Variants in ANKS1B observed in about 807,000 individuals in gnomAD.
ANKS1B encodes ankyrin repeat and sterile alpha motif domain containing 1B, also known as ankyrin repeat and sterile alpha motif domain-containing protein 1B.
A neutral mutation model predicts 148.3 loss-of-function variants in ANKS1B; 36 were observed. The observed-to-expected ratio is 0.24, with a 90% CI of 0.19 to 0.32. The LOEUF (loss-of-function observed/expected upper bound fraction) is 0.32, where lower values mean the gene tolerates loss of function less well. Ranked by LOEUF, ANKS1B falls within the 10% of genes least tolerant of loss-of-function variation. ANKS1B has a pLI of 1.00. For synonymous variants in ANKS1B, 542 were observed against 560.8 expected (o/e 0.97, Z 0.47); for missense variants, 1,157 against 1,542.6 (o/e 0.75, Z 4.19).
chr12:98,806,541 T>C (rs1047848951), intron 20 of ANKS1B, among the ~76,000 whole-genome samples: 4 of 152,316 alleles, frequency 2.6e-5, no homozygotes, highest in Admixed American at 2.6e-4. Context: ...TACCCAAACA[T>C]ACATAAGATA....
At position 98,783,999 on chromosome 12, in the gene ANKS1B, G is replaced by A. The variant is rs76322018; in HGVS notation, c.3343-1862C>T. Among the ~76,000 whole-genome samples, 1,309 of 152,302 alleles carry A rather than the reference G, an allele frequency of 8.6e-3. 15 individuals carry two copies. The highest frequency in any genetic ancestry group is 0.03 in the African/African-American group (1,257 of 41,560). On this transcript the variant is annotated intron_variant, in intron 22 of 26. Coordinates refer to ENST00000683438, the MANE Select transcript of ANKS1B (RefSeq NM_001352186.2). ...GAACAGGAGGAGGCACCACAATGTC[G>A]ATGAGGAAGAACTGAGAGGTTCTGT... is the stretch of plus-strand genomic sequence containing the variant.
intron 9 of ANKS1B, among the ~76,000 whole-genome samples, chr12:99,592,589 GAGA>G (rs2097713878): frequency 6.6e-6 from 1 of 152,008 alleles, no homozygotes; most frequent in South Asian, 2.1e-4. Flanking sequence ...AAAAGACATG[GAGA>G]AGGACTGAAG....
chr12:99,531,916 GCTCA>G (rs1414047859), intron 9 of ANKS1B, among the ~76,000 whole-genome samples: 2 of 152,058 alleles, frequency 1.3e-5, no homozygotes, highest in Non-Finnish European at 2.9e-5. Flanking sequence ...TGATCTTGTA[GCTCA>G]CTGTGGTTTT....
At position 99,912,064 on chromosome 12, in the gene ANKS1B, A is replaced by G. The variant is rs190170623; in HGVS notation, c.134+72040T>C. 1.5e-3 allele frequency among the ~76,000 whole-genome samples: 221 copies of G among 152,352 alleles called. 1 individual carries two copies. Among genetic ancestry groups the G allele is most frequent in the African/African-American group, 5.2e-3 (215 of 41,590 alleles). ...AGTGATTCATGAATTAGGCAGCACC[A>G]GACTGCAAGTGATTTGGGCTCCACC... On this transcript the variant is annotated intron_variant, in intron 1 of 26. Coordinates refer to ENST00000683438, the MANE Select transcript of ANKS1B (RefSeq NM_001352186.2).
At position 99,782,154 on chromosome 12, in the gene ANKS1B, G is replaced by C. The variant is rs558735331; in HGVS notation, c.670-57C>G. The C allele has an allele frequency of 3.6e-6, 5 of 1,380,146 alleles. No individual in the cohort carries two copies. In the South Asian group the frequency reaches 6.5e-5, roughly 18 times the overall value. The allele number at this position is 1,380,146 out of a possible 1,614,324, so 85.5% of individuals were successfully genotyped here. ...ACGGTTGCATTTGGAATGCTTACAG[G>C]TTGAAATAAAATGCTCACATTTTAC... On this transcript the variant is annotated intron_variant, in intron 4 of 26. Coordinates refer to ENST00000683438, the MANE Select transcript of ANKS1B (RefSeq NM_001352186.2).
intron 10 of ANKS1B, among the ~76,000 whole-genome samples, chr12:99,474,529 C>T (rs2888467): frequency 6.6e-6 from 1 of 151,890 alleles, no homozygotes; most frequent in African/African-American, 2.4e-5. Context: ...TAAAAAAGTT[C>T]TATCCTGCTC....
At chr12:99,307,769 C>A (rs1274113692) in intron 12 of ANKS1B, among the ~76,000 whole-genome samples, 1 of 151,500 alleles carries the variant, frequency 6.6e-6, no homozygotes, top group Non-Finnish European at 1.5e-5. Context: ...CAAAAACCAG[C>A]AATTTCTAAT....
chr12:99,792,166 A>C (rs558003430), intron 4 of ANKS1B, among the ~76,000 whole-genome samples: 15 of 152,094 alleles, frequency 9.9e-5, no homozygotes, highest in African/African-American at 3.6e-4. Context: ...AAATTCCTAC[A>C]TACATACAAT....
chr12:99,154,659 C>A, intron 14 of ANKS1B: 1 of 1,439,406 alleles, frequency 6.9e-7, no homozygotes, highest in Non-Finnish European at 9.1e-7. Flanking sequence ...CCGACCAGTA[C>A]GTCATACAGC....
chr12:99,689,897 C>T (rs978152154), intron 8 of ANKS1B, among the ~76,000 whole-genome samples: 4 of 152,140 alleles, frequency 2.6e-5, no homozygotes, highest in African/African-American at 9.7e-5. Context: ...CCTTGTGAGA[C>T]CATGTACAGA....
At chr12:99,483,785 G>A (rs2096449159) in intron 10 of ANKS1B, among the ~76,000 whole-genome samples, 1 of 151,838 alleles carries the variant, frequency 6.6e-6, no homozygotes, top group Non-Finnish European at 1.5e-5. Context: ...GTTCATGTGT[G>A]TATAGGTGTT....
chr12:98,916,314 C>T (rs546166366), intron 17 of ANKS1B, among the ~76,000 whole-genome samples: 1 of 152,318 alleles, frequency 6.6e-6, no homozygotes, highest in South Asian at 2.1e-4. Context: ...TCCAAGAGAA[C>T]ATCACAATTA....
At chr12:98,851,845 G>A (rs2099528487) in intron 17 of ANKS1B, among the ~76,000 whole-genome samples, 1 of 151,534 alleles carries the variant, frequency 6.6e-6, no homozygotes, top group African/African-American at 2.4e-5. Context: ...CCAACCCAGT[G>A]AAACCCCATC....
At chr12:99,414,806 A>G (rs1359024256) in intron 11 of ANKS1B, among the ~76,000 whole-genome samples, 4 of 152,256 alleles carry the variant, frequency 2.6e-5, no homozygotes, top group South Asian at 2.1e-4. Flanking sequence ...CGTTCTGCAC[A>G]TGTATTCCAG....
chr12:98,792,013 A>G (rs1255644175), intron 22 of ANKS1B, among the ~76,000 whole-genome samples: 1 of 152,258 alleles, frequency 6.6e-6, no homozygotes, highest in African/African-American at 2.4e-5. Context: ...TAATACTTCA[A>G]CTAGGGCATG....
At chr12:98,965,373 C>T (rs1389443614) in intron 17 of ANKS1B, among the ~76,000 whole-genome samples, 1 of 152,178 alleles carries the variant, frequency 6.6e-6, no homozygotes, top group African/African-American at 2.4e-5. Flanking sequence ...TATAAAGCAT[C>T]CAATATCATG....
chr12:99,177,382 G>A (rs1201035107), intron 14 of ANKS1B, among the ~76,000 whole-genome samples: 1 of 152,164 alleles, frequency 6.6e-6, no homozygotes, highest in African/African-American at 2.4e-5. Flanking sequence ...AGGATGAGCA[G>A]AACAGTTGTT....
chr12:99,542,416 A>G (rs2097134825), intron 9 of ANKS1B, among the ~76,000 whole-genome samples: 1 of 152,186 alleles, frequency 6.6e-6, no homozygotes, highest in Non-Finnish European at 1.5e-5. Flanking sequence ...GAAGGCATAA[A>G]TAAGTGGTAA....
chr12:99,128,882 C>T (rs548781823), intron 15 of ANKS1B, among the ~76,000 whole-genome samples: 1 of 152,260 alleles, frequency 6.6e-6, no homozygotes, highest in South Asian at 2.1e-4. Context: ...ATGGAAAAAG[C>T]CAAAAGACAG....
Sources: gnomAD v4.1 joint callset for allele counts (sites outside exome capture counted in the v4.1 genomes callset) on GRCh38, gnomAD v4.1.1 for gene constraint, MANE v1.5 for transcripts, NCBI Gene and HGNC (gene_info 2026-07-23, HGNC 2026-07-21) for gene names.